SGCD: variants seen among roughly 807,000 people sequenced by gnomAD.
SGCD encodes the protein delta-sarcoglycan.
Under a neutral mutation model 36.6 loss-of-function variants are expected in SGCD, and 18 were observed. The ratio of observed to expected loss-of-function variants is 0.49; its 90% CI spans 0.34 to 0.73. SGCD has a LOEUF of 0.73. SGCD is among the 30% of genes least tolerant of loss of function. The probability of loss-of-function intolerance (pLI) is 0.01; values close to 1 mark genes in which losing one functional copy is unlikely to be tolerated. For synonymous variants in SGCD, 133 were observed against 130.6 expected (o/e 1.02, Z -0.12); for missense variants, 387 against 346.7 (o/e 1.12, Z -0.92).
At chr5:156,148,216 T>C (rs747870168) in intron 3 of SGCD, among the ~76,000 whole-genome samples, 13 of 152,120 alleles carry the variant, frequency 8.5e-5, no homozygotes, top group Non-Finnish European at 1.8e-4. Flanking sequence ...AAATAAAAAG[T>C]ATAACAAAAT....
chr5:156,227,877 C>T lies in SGCD; in HGVS notation c.-43-101657C>T, dbSNP rs76957601. Among the ~76,000 whole-genome samples, 1,245 of 152,114 alleles carry T rather than the reference C, an allele frequency of 8.2e-3. 15 individuals carry two copies. Among genetic ancestry groups the T allele is most frequent in the African/African-American group, 0.029 (1,195 of 41,492 alleles). ...TTCAGTTTGGAGAATTTTTTAATTT[C>T]CGTCTTGATTTCGTTTTTGATCCAA... On this transcript the variant is annotated intron_variant, in intron 3 of 9. Coordinates refer to the SGCD transcript ENST00000517913.
intron 1 of SGCD, among the ~76,000 whole-genome samples, chr5:155,875,751 T>C (rs1030047807): frequency 1.3e-5 from 2 of 152,022 alleles, no homozygotes; most frequent in East Asian, 3.9e-4. Flanking sequence ...GTGACAGTTC[T>C]GCCATGTTCT....
intron 1 of SGCD, among the ~76,000 whole-genome samples, chr5:156,018,033 A>C (rs993353072): frequency 1.3e-5 from 2 of 151,992 alleles, no homozygotes; most frequent in Non-Finnish European, 2.9e-5. Flanking sequence ...GGTGGTGAGC[A>C]CCTGTGGTTC....
At chr5:156,653,767 A>T (rs147056847) in intron 7 of SGCD, among the ~76,000 whole-genome samples, 1 of 151,992 alleles carries the variant, frequency 6.6e-6, no homozygotes, top group East Asian at 1.9e-4. Context: ...TAAATTGTTA[A>T]TGAACTTGGT....
intron 3 of SGCD, among the ~76,000 whole-genome samples, chr5:156,372,778 T>C (rs1443902235): frequency 6.6e-6 from 1 of 152,218 alleles, no homozygotes; most frequent in African/African-American, 2.4e-5. Context: ...TCCCTCAGCA[T>C]ACTGATTCCT....
At chr5:156,129,918 C>T (rs1272663786) in intron 3 of SGCD, among the ~76,000 whole-genome samples, 1 of 152,138 alleles carries the variant, frequency 6.6e-6, no homozygotes, top group Non-Finnish European at 1.5e-5. Context: ...GATTCATTGT[C>T]TTTGCTATTC....
chr5:155,871,377 C>T (rs967239425), intron 1 of SGCD, among the ~76,000 whole-genome samples: 7 of 152,212 alleles, frequency 4.6e-5, no homozygotes, highest in South Asian at 2.1e-4. Context: ...TCAAGATTTG[C>T]GACCTCTCTG....
intron 6 of SGCD, among the ~76,000 whole-genome samples, chr5:156,638,999 C>T (rs1434300682): frequency 6.6e-6 from 1 of 151,874 alleles, no homozygotes; most frequent in African/African-American, 2.4e-5. Flanking sequence ...ATTTATCTTT[C>T]TGGCTTTACT....
At chr5:156,517,539 A>T (rs111950189) in intron 4 of SGCD, among the ~76,000 whole-genome samples, 2 of 152,120 alleles carry the variant, frequency 1.3e-5, no homozygotes, top group Non-Finnish European at 2.9e-5. Context: ...ACACACAATC[A>T]TCAGATTTTC....
At chr5:156,318,135 A>G (rs1183152449) in intron 3 of SGCD, among the ~76,000 whole-genome samples, 3 of 152,204 alleles carry the variant, frequency 2.0e-5, no homozygotes, top group Admixed American at 6.5e-5. Flanking sequence ...ACATTAACCA[A>G]CTTCATGAGA....
At chr5:156,327,281 A>C (rs2127699730) in intron 1 of SGCD, 49 bp downstream of exon 1, 1 of 152,390 alleles carries the variant, frequency 6.6e-6, no homozygotes, top group East Asian at 1.9e-4. Flanking sequence ...TTCACTTTCT[A>C]AGCTATCTGC....
At position 156,420,695 on chromosome 5, in the gene SGCD, C is replaced by G. The variant is rs534719381; in HGVS notation, c.192+76018C>G. On this transcript the variant is annotated intron_variant, in intron 3 of 8. Coordinates refer to ENST00000337851, the MANE Select transcript of SGCD (RefSeq NM_000337.6). ...TATCAATGAGATATTTCCACCATGG[C>G]TTTTTGAAGAGATTCTTTACTGTGT... Among the ~76,000 whole-genome samples the G allele has an allele frequency of 8.5e-5, 13 of 152,194 alleles. No individual in the cohort carries two copies. In the East Asian group the frequency reaches 2.5e-3, roughly 29 times the overall value.
chr5:156,587,910 A>C (rs1414404391), intron 4 of SGCD, among the ~76,000 whole-genome samples: 5 of 151,510 alleles, frequency 3.3e-5, no homozygotes, highest in Middle Eastern at 3.4e-3. Context: ...TCTCCATTAG[A>C]ATATAAGACT....
intron 1 of SGCD, among the ~76,000 whole-genome samples, chr5:156,068,165 A>G (rs1282049067): frequency 6.6e-6 from 1 of 151,372 alleles, no homozygotes; most frequent in African/African-American, 2.4e-5. Context: ...GTACATGTGC[A>G]CAATGTGCAG....
intron 1 of SGCD, among the ~76,000 whole-genome samples, chr5:156,018,582 C>T (rs1477617645): frequency 6.6e-6 from 1 of 152,142 alleles, no homozygotes; most frequent in Non-Finnish European, 1.5e-5. Flanking sequence ...AAATGGTACT[C>T]CTTCATCCAG....
intron 3 of SGCD, among the ~76,000 whole-genome samples, chr5:156,309,674 C>G (rs1581234711): frequency 6.7e-6 from 1 of 148,198 alleles, no homozygotes; most frequent in Non-Finnish European, 1.5e-5. Flanking sequence ...GATCTTGGCT[C>G]ACGGGGTTTC....
intron 1 of SGCD, among the ~76,000 whole-genome samples, chr5:156,045,071 A>G (rs912161415): frequency 2.6e-5 from 4 of 152,180 alleles, no homozygotes; most frequent in Admixed American, 6.5e-5. Flanking sequence ...CAGAAGTGCA[A>G]GTGAACATTT....
chr5:156,665,092 T>C (rs1764091743), intron 7 of SGCD, among the ~76,000 whole-genome samples: 1 of 151,866 alleles, frequency 6.6e-6, no homozygotes, highest in South Asian at 2.1e-4. Context: ...TGGATATCCA[T>C]ACTGACTTTC....
intron 2 of SGCD, among the ~76,000 whole-genome samples, chr5:156,343,133 G>A (rs1202104000): frequency 6.6e-6 from 1 of 151,778 alleles, no homozygotes; most frequent in Non-Finnish European, 1.5e-5. Context: ...ATCATATTGT[G>A]AACCATCTGG....
Sources: allele counts gnomAD v4.1 joint callset (sites outside exome capture counted in the v4.1 genomes callset), GRCh38; gene constraint gnomAD v4.1.1; transcripts MANE v1.5; gene names NCBI Gene and HGNC (gene_info 2026-07-23, HGNC 2026-07-21).